GTF2F1: variants seen among roughly 807,000 people sequenced by gnomAD.
GTF2F1 encodes general transcription factor IIF subunit 1, also known as general transcription factor IIF 74 kDa subunit.
In GTF2F1, 39 loss-of-function variants were observed where a neutral mutation model predicts 63.5. That is an observed-to-expected ratio of 0.61 (90% confidence interval 0.48 to 0.80). GTF2F1 has a LOEUF of 0.80. GTF2F1 is among the 30% of genes least tolerant of loss of function. The probability of loss-of-function intolerance (pLI) is 0.00; values close to 1 mark genes in which losing one functional copy is unlikely to be tolerated. For synonymous variants in GTF2F1, 287 were observed against 285.3 expected, an observed-to-expected ratio of 1.01 and a Z score of -0.06; for missense variants, 657 against 718.3, an observed-to-expected ratio of 0.91 and a Z score of 0.97.
chr19:6,382,799 C>CAAAAA (rs1159505037), intron 6 of GTF2F1, among the ~76,000 whole-genome samples: 1 of 81,574 alleles, frequency 1.2e-5, no homozygotes, highest in Non-Finnish European at 2.6e-5. Context: ...GATCCTGTCT[C>CAAAAA]AAAAAAAAAA....
In GTF2F1 at chr19:6,380,943, A is replaced by T; in HGVS notation, c.1192T>A (p.Ser398Thr). 1 of 1,587,386 alleles carries T rather than the reference A, an allele frequency of 6.3e-7. No individual in the cohort carries two copies. The highest frequency in any genetic ancestry group is 8.6e-7 in the Non-Finnish European group (1 of 1,167,416). Reference sequence around the variant, plus strand: ...CTGGCAGCCGCCCGCAGGGTGGAGGAGGTGCTGCCACCCTCTGCGCTGGGC... The same window carrying T: ...CTGGCAGCCGCCCGCAGGGTGGAGGTGGTGCTGCCACCCTCTGCGCTGGGC... Reference protein sequence around the residue: ...GTPSAEGGSTSSTLRAAASKL... With the variant: ...GTPSAEGGSTTSTLRAAASKL... The change falls in exon 11 of 13, where the codon TCC becomes ACC. Residue 398 changes from serine (S) to threonine (T), a missense_variant. Physicochemically the swap from Ser to Thr is moderately conservative, Grantham distance 58. This residue lies in a region of GTF2F1 where 602 missense variants were observed against 625.6 expected (regional missense o/e 0.96). Transcript: ENST00000394456. The surrounding 1 kb of genome is among the most constrained non-coding windows in gnomAD (Gnocchi z 5.3).
Position 6,389,531 on chromosome 19 carries a change from C to T in GTF2F1, c.239G>A (p.Arg80Gln), listed in dbSNP as rs1568331783. 9 of 1,614,240 alleles carry T rather than the reference C, an allele frequency of 5.6e-6. No individual in the cohort carries two copies. Among genetic ancestry groups the T allele is most frequent in the Non-Finnish European group, 7.6e-6 (9 of 1,180,030 alleles). Residue 80 changes from arginine to glutamine, a missense_variant, in exon 4 of 13, where the codon CGG becomes CAG. Coordinates refer to ENST00000394456, the MANE Select transcript of GTF2F1 (RefSeq NM_002096.3). ...GAGGACGATGCCGTACTTCTTCCTC[C>T]GAGCCTCCTCCCGAAGCTTGCGGTT... The part of the protein sequence containing the change: ...EFNRKLREEA[R>Q]RKKYGIVLKE...
intron 4 of GTF2F1, 38 bp downstream of exon 4, chr19:6,389,406 G>A: frequency 6.3e-7 from 1 of 1,592,676 alleles, no homozygotes; most frequent in Non-Finnish European, 8.6e-7. Context: ...GATGTGGACT[G>A]GTCACTAAGC....
intron 4 of GTF2F1, 48 bp from the exon 5 acceptor site, chr19:6,387,607 C>CATAATCCG: frequency 6.8e-7 from 1 of 1,478,748 alleles, no homozygotes; most frequent in Non-Finnish European, 9.4e-7. Flanking sequence ...CCAGCCCCAG[C>CATAATCCG]CCCCCCGTGT....
Position 6,389,482 on chromosome 19 carries a change from C to A in GTF2F1, c.288G>T (p.Gln96His). The change falls in exon 4 of 13, where the codon CAG (glutamine) becomes CAT (histidine). Residue 96 changes from glutamine to histidine, a missense_variant. Physicochemically the swap from Gln to His is conservative, Grantham distance 24. Coordinates refer to ENST00000394456, the MANE Select transcript of GTF2F1 (RefSeq NM_002096.3). ...IVLKEFRPED[Q>H]PWLLRVNGKS... ...TGCCGTTGACCCGGAGCAGCCAGGG[C>A]TGGTCCTCGGGCCGGAACTCCTTGA... is the stretch of plus-strand genomic sequence containing the variant. 1 of 1,614,180 alleles carries A rather than the reference C, an allele frequency of 6.2e-7. No individual in the cohort carries two copies. Among genetic ancestry groups the A allele is most frequent in the South Asian group, 1.1e-5 (1 of 91,084 alleles).
At chr19:6,387,191 A>G (rs1962217082) in intron 5 of GTF2F1, 198 bp downstream of exon 5, 1 of 418,290 alleles carries the variant, frequency 2.4e-6, no homozygotes. Context: ...CTCTGGCAGC[A>G]CCCTCTGGGG....
chr19:6,387,301 G>C lies in GTF2F1; in HGVS notation c.497+88C>G, dbSNP rs527737415. Reference sequence around the variant, plus strand: ...TGCCCTGGTTACCCCTGAGTCCCCAGCTCCCAGCACAGGGCCTGGTGATAT... The same window carrying C: ...TGCCCTGGTTACCCCTGAGTCCCCACCTCCCAGCACAGGGCCTGGTGATAT... On this transcript the variant is annotated intron_variant, in intron 5 of 12. Transcript: ENST00000394456. 1.8e-5 allele frequency: 24 copies of C among 1,325,216 alleles called. No individual in the cohort carries two copies. The Admixed American group carries it at 3.0e-4, about 17-fold the overall frequency. 82.1% of individuals were successfully genotyped at this position (1,325,216 alleles called of 1,614,324 possible). A position where few individuals can be genotyped will look rare whatever the true frequency, so the allele number is the denominator to read the frequency against.
At position 6,381,616 on chromosome 19, in the gene GTF2F1, C is replaced by T. The variant is rs1357001415; in HGVS notation, c.837-1G>A. 3.1e-6 allele frequency: 5 copies of T among 1,613,858 alleles called. No homozygotes were observed. The highest frequency in any genetic ancestry group is 4.2e-6 in the Non-Finnish European group (5 of 1,180,034). ...GCTCTCAGGCTCTTCTTGGGAGCTA[C>T]TGTAAGACGGGGATGGCAAAGGATG... On this transcript the variant is annotated splice_acceptor_variant, in intron 7 of 12. Coordinates refer to ENST00000394456, the MANE Select transcript of GTF2F1 (RefSeq NM_002096.3). LOFTEE classifies it high-confidence loss of function. The surrounding 1 kb of genome is among the most constrained non-coding windows in gnomAD (Gnocchi z 4.1).
In GTF2F1 at chr19:6,389,570, G is replaced by A. The variant is rs756437207; in HGVS notation, c.200C>T (p.Ala67Val). 3 of 1,614,044 alleles carry A rather than the reference G, an allele frequency of 1.9e-6. No individual in the cohort carries two copies. Among genetic ancestry groups the A allele is most frequent in the South Asian group, 1.1e-5 (1 of 91,094 alleles). Residue 67 changes from alanine (A) to valine (V), a missense_variant, in exon 4 of 13, where the codon GCG (alanine) becomes GTG (valine). Around this residue, in one of 2 missense-constraint regions of GTF2F1, gnomAD observed 602 missense variants for 625.6 expected, o/e 0.96. Transcript: ENST00000394456. ...AAGCTTGCGGTTGAACTCACTGCCC[G>A]CGCCCGATTCGGGCATCTCCTCCTC... ...YQEEEMPESGAGSEFNRKLRE... is the reference protein window; with the variant it reads ...YQEEEMPESGVGSEFNRKLRE...
chr19:6,390,768 T>C (rs1043751533), intron 3 of GTF2F1, among the ~76,000 whole-genome samples: 1 of 151,274 alleles, frequency 6.6e-6, no homozygotes, highest in Non-Finnish European at 1.5e-5. Context: ...TAATCCCAGC[T>C]ACTTGGGAGG....
In GTF2F1 at chr19:6,381,621, A is replaced by C; in HGVS notation, c.837-6T>G. 1 of 1,613,976 alleles carries C rather than the reference A, an allele frequency of 6.2e-7. No homozygotes were observed. Among genetic ancestry groups the C allele is most frequent in the Non-Finnish European group, 8.5e-7 (1 of 1,180,028 alleles). ...CAGGCTCTTCTTGGGAGCTACTGTA[A>C]GACGGGGATGGCAAAGGATGAGCGC... On this transcript the variant is annotated splice_polypyrimidine_tract_variant and splice_region_variant and intron_variant, in intron 7 of 12. Coordinates refer to ENST00000394456, the MANE Select transcript of GTF2F1 (RefSeq NM_002096.3). The surrounding 1 kb of genome is among the most constrained non-coding windows in gnomAD (Gnocchi z 4.1).
In GTF2F1 at chr19:6,381,128, G is replaced by C; in HGVS notation, c.1086C>G (p.Phe362Leu). Residue 362 changes from phenylalanine (F) to leucine (L), a missense_variant, in exon 10 of 13, where the codon TTC (phenylalanine) becomes TTG (leucine). Phe to Leu is a conservative substitution (Grantham distance 22). This residue lies in a region of GTF2F1 where 602 missense variants were observed against 625.6 expected (regional missense o/e 0.96). Coordinates refer to ENST00000394456, the MANE Select transcript of GTF2F1 (RefSeq NM_002096.3). This position sits in a 1 kb window ranked among gnomAD's most constrained non-coding sequence, Gnocchi z 4.1. ...CCACCGGGCTGGGCCTTACCGCCAT[G>C]AAGAGGGCTGAGGAGGCCTCGCTGT... ...DIDSEASSAL[F>L]MAKKKTPPKR... is the part of the protein sequence containing the mutation. The C allele has an allele frequency of 6.2e-7, 1 of 1,611,962 alleles. No individual in the cohort carries two copies. The highest frequency in any genetic ancestry group is 8.5e-7 in the Non-Finnish European group (1 of 1,179,252).
In GTF2F1 at chr19:6,381,877, G is replaced by A. The variant is rs765088128; in HGVS notation, c.683-27C>T. Reference sequence around the variant, plus strand: ...TGGGAAGGGAGGAAAGGAAGGAAAGGAGGGAAAGTGAGGAGGAAGGCAGTG... The same window carrying A: ...TGGGAAGGGAGGAAAGGAAGGAAAGAAGGGAAAGTGAGGAGGAAGGCAGTG... On this transcript the variant is annotated intron_variant, in intron 6 of 12. Coordinates refer to ENST00000394456, the MANE Select transcript of GTF2F1 (RefSeq NM_002096.3). The surrounding 1 kb of genome is among the most constrained non-coding windows in gnomAD (Gnocchi z 4.1). 16 of 1,567,932 alleles carry A rather than the reference G, an allele frequency of 1.0e-5. No homozygotes were observed. The highest frequency in any genetic ancestry group is 1.0e-4 in the Admixed American group (6 of 59,202).
At position 6,383,585 on chromosome 19, in the gene GTF2F1, A is replaced by G. The variant is rs539809842; in HGVS notation, c.498-90T>C. On this transcript the variant is annotated intron_variant, in intron 5 of 12. Coordinates refer to ENST00000394456, the MANE Select transcript of GTF2F1 (RefSeq NM_002096.3). The surrounding 1 kb of genome is among the most constrained non-coding windows in gnomAD (Gnocchi z 4.5). The stretch of plus-strand genomic sequence containing the variant: ...GGGCGAGCCCCAGGGCACCACCCAC[A>G]TAGCCTTCAAGGTGATGTGGCCCCC... The G allele has an allele frequency of 3.2e-4, 447 of 1,392,680 alleles. 5 individuals are homozygous for G. In the South Asian group the frequency reaches 5.0e-3, roughly 16 times the overall value. The allele number at this position is 1,392,680 out of a possible 1,614,324, so 86.3% of individuals were successfully genotyped here. A position where few individuals can be genotyped will look rare whatever the true frequency, so the allele number is the denominator to read the frequency against.
intron 6 of GTF2F1, among the ~76,000 whole-genome samples, chr19:6,382,931 T>G (rs978885449): frequency 6.6e-6 from 1 of 152,030 alleles, no homozygotes; most frequent in African/African-American, 2.4e-5. Flanking sequence ...AGACGGAGTC[T>G]CTCTCTGTTG....
In GTF2F1 at chr19:6,381,381, C is replaced by A. The variant is rs555458633; in HGVS notation, c.996G>T (p.Pro332=). The part of the protein sequence containing the change: ...EEEEEKKAPT[P]QEKKRRKDSS... ...CACCTTTCCTGCGCTTCTTCTCCTG[C>A]GGGGTGGGTGCCTTCTTCTCCTCCT... is the stretch of plus-strand genomic sequence containing the variant. The change falls in exon 9 of 13, where the codon CCG becomes CCT. Residue 332 remains proline, a synonymous_variant. Transcript: ENST00000394456. The surrounding 1 kb of genome is among the most constrained non-coding windows in gnomAD (Gnocchi z 4.1). The A allele has an allele frequency of 1.2e-6, 2 of 1,607,594 alleles. No individual in the cohort carries two copies. The highest frequency in any genetic ancestry group is 2.2e-5 in the East Asian group (1 of 44,724).
chr19:6,380,787 G>A lies in GTF2F1; in HGVS notation c.1232-97C>T. 1 of 1,529,136 alleles carries A rather than the reference G, an allele frequency of 6.5e-7. No homozygotes were observed. The highest frequency in any genetic ancestry group is 8.9e-7 in the Non-Finnish European group (1 of 1,128,508). 94.7% of individuals were successfully genotyped at this position (1,529,136 alleles called of 1,614,324 possible). A position where few individuals can be genotyped will look rare whatever the true frequency, so the allele number is the denominator to read the frequency against. On this transcript the variant is annotated intron_variant, in intron 11 of 12. Transcript: ENST00000394456. This position sits in a 1 kb window ranked among gnomAD's most constrained non-coding sequence, Gnocchi z 5.3. ...CAGTGCCAGGATTAGGGTTCAAGGG[G>A]ATCAGGGAGAGACAGGCCTCCACCC...
chr19:6,381,367 C>T lies in GTF2F1; in HGVS notation c.1010G>A (p.Arg337His), dbSNP rs1346827975. The T allele has an allele frequency of 1.5e-5, 24 of 1,600,626 alleles. No homozygotes were observed. The highest frequency in any genetic ancestry group is 3.5e-5 in the Admixed American group (2 of 57,818). ...GGCCACATGCGCCGCACCTTTCCTG[C>T]GCTTCTTCTCCTGCGGGGTGGGTGC... is the stretch of plus-strand genomic sequence containing the variant. Reference protein sequence around the residue: ...KKAPTPQEKKRRKDSSEESDS... With the variant: ...KKAPTPQEKKHRKDSSEESDS... Residue 337 changes from arginine to histidine, a missense_variant, in exon 9 of 13, where the codon CGC becomes CAC. Coordinates refer to ENST00000394456, the MANE Select transcript of GTF2F1 (RefSeq NM_002096.3). The surrounding 1 kb of genome is among the most constrained non-coding windows in gnomAD (Gnocchi z 4.1).
chr19:6,389,730 C>T (rs569470206), intron 3 of GTF2F1, 93 bp from the exon 4 acceptor site: 2 of 1,151,320 alleles, frequency 1.7e-6, no homozygotes, highest in African/African-American at 3.0e-5. Flanking sequence ...CTAGGCCAAG[C>T]TCTAGATTCT....
Sources: allele counts gnomAD v4.1 joint callset (sites outside exome capture counted in the v4.1 genomes callset), GRCh38; gene constraint gnomAD v4.1.1; regional missense constraint gnomAD v4.1.1; non-coding constraint Gnocchi (gnomAD v3.1); transcripts MANE v1.5; gene names NCBI Gene and HGNC (gene_info 2026-07-23, HGNC 2026-07-21).